Variants in ANO3 observed in about 807,000 individuals in gnomAD.
ANO3 encodes anoctamin-3.
ANO3 carries 99 observed loss-of-function variants against 144.8 expected under a neutral mutation model. The ratio of observed to expected loss-of-function variants is 0.68; its 90% CI spans 0.58 to 0.81. The LOEUF (loss-of-function observed/expected upper bound fraction) is 0.81. Among genes scored for constraint, ANO3 ranks in the 30% least tolerant of loss-of-function variants. The pLI is 0.00. For synonymous variants in ANO3, 414 were observed against 392.6 expected (o/e 1.05, Z -0.64); for missense variants, 905 against 1,202.2 (o/e 0.75, Z 3.66).
intron 1 of ANO3, among the ~76,000 whole-genome samples, chr11:26,361,976 A>C (rs1043288386): frequency 1.3e-5 from 2 of 152,140 alleles, no homozygotes; most frequent in Non-Finnish European, 2.9e-5. Context: ...TCATGGATTC[A>C]GGGGAATTAA....
chr11:26,359,006 G>A (rs2133922067), intron 1 of ANO3, among the ~76,000 whole-genome samples: 1 of 152,160 alleles, frequency 6.6e-6, no homozygotes, highest in Non-Finnish European at 1.5e-5. Flanking sequence ...CTATTTTAAT[G>A]TCTTTATGTG....
Position 26,595,962 on chromosome 11 carries a change from C to T in ANO3, c.1448-2403C>T, listed in dbSNP as rs527377780. 5.9e-5 allele frequency among the ~76,000 whole-genome samples: 9 copies of T among 152,038 alleles called. No homozygotes were observed. The East Asian group carries it at 9.7e-4, about 16-fold the overall frequency. ...CAATTGAATGCATTTGGGCCATTCG[C>T]GGGTTACTGAGTTAAGAATTTTTGA... On this transcript the variant is annotated intron_variant, in intron 14 of 26. Coordinates refer to ENST00000256737, the MANE Select transcript of ANO3 (RefSeq NM_031418.4).
At chr11:26,631,520 A>G (rs1852779974) in intron 18 of ANO3, among the ~76,000 whole-genome samples, 1 of 152,160 alleles carries the variant, frequency 6.6e-6, no homozygotes, top group Non-Finnish European at 1.5e-5. Context: ...CTATCCATCT[A>G]TCTTTCAATT....
upstream of ANO3, among the ~76,000 whole-genome samples, chr11:26,305,963 A>C (rs1330895553): frequency 6.6e-6 from 1 of 151,474 alleles, no homozygotes; most frequent in Non-Finnish European, 1.5e-5. Flanking sequence ...TATTCTTCCT[A>C]TTCTTCTTAA....
intron 1 of ANO3, among the ~76,000 whole-genome samples, chr11:26,335,927 T>C (rs1855182440): frequency 6.6e-6 from 1 of 152,196 alleles, no homozygotes; most frequent in South Asian, 2.1e-4. Context: ...CTGTAAATTT[T>C]AGATTATCTT....
chr11:26,227,285 TG>T (rs2133798452), intron 1 of ANO3, among the ~76,000 whole-genome samples: 1 of 152,334 alleles, frequency 6.6e-6, no homozygotes, highest in African/African-American at 2.4e-5. Flanking sequence ...AAATTTATAC[TG>T]TTGTCTCATG....
At chr11:26,595,511 G>A (rs1244849885) in intron 14 of ANO3, among the ~76,000 whole-genome samples, 1 of 118,884 alleles carries the variant, frequency 8.4e-6, no homozygotes, top group African/African-American at 3.3e-5. Context: ...TTTAAGGCTT[G>A]GCTGAGTGCA....
intron 4 of ANO3, among the ~76,000 whole-genome samples, chr11:26,490,868 G>A (rs767079428): frequency 1.7e-4 from 26 of 152,160 alleles, no homozygotes; most frequent in Non-Finnish European, 2.9e-4. Flanking sequence ...AATACTTGGC[G>A]ACTCACCTTG....
At chr11:26,338,671 C>T (rs532095650) in intron 1 of ANO3, among the ~76,000 whole-genome samples, 1 of 152,266 alleles carries the variant, frequency 6.6e-6, no homozygotes, top group Non-Finnish European at 1.5e-5. Flanking sequence ...CAGCTTCATT[C>T]CTGAAGTCAA....
intron 1 of ANO3, among the ~76,000 whole-genome samples, chr11:26,338,682 C>T (rs541073609): frequency 3.9e-5 from 6 of 152,086 alleles, no homozygotes; most frequent in Admixed American, 2.0e-4. Flanking sequence ...CTGAAGTCAA[C>T]GAGACCATGA....
chr11:26,304,089 G>C lies in ANO3; in HGVS notation c.155-5556G>C, dbSNP rs145483809. Among the ~76,000 whole-genome samples, 102 of 152,142 alleles carry C rather than the reference G, an allele frequency of 6.7e-4. 1 individual carries two copies. In the East Asian group the frequency reaches 0.019, roughly 29 times the overall value. The stretch of plus-strand genomic sequence containing the variant: ...ATATTCACTTTGGCTTTTATAATAT[G>C]TTGATTGAATGGTATTATATTCTTG... On this transcript the variant is annotated intron_variant, in intron 1 of 27. Transcript: ENST00000672621.
At position 26,598,906 on chromosome 11, in the gene ANO3, G is replaced by A. The variant is rs758278209; in HGVS notation, c.1579G>A (p.Val527Ile). 1 of 1,613,902 alleles carries A rather than the reference G, an allele frequency of 6.2e-7. No individual in the cohort carries two copies. The highest frequency in any genetic ancestry group is 8.5e-7 in the Non-Finnish European group (1 of 1,179,896). The change falls in exon 16 of 27, where the codon GTA becomes ATA. Residue 527 changes from valine (V) to isoleucine (I), a missense_variant. Transcript: ENST00000256737. ...FEAKYYKMEI[V>I]NPITGKPEPH... is the part of the protein sequence containing the mutation. ...AGCCAAGTATTACAAGATGGAGATT[G>A]TAAATCCCATCACGGGAAAACCTGA...
intron 1 of ANO3, among the ~76,000 whole-genome samples, chr11:26,386,027 A>G (rs1856722344): frequency 4.6e-5 from 7 of 152,170 alleles, no homozygotes; most frequent in Admixed American, 4.6e-4. Flanking sequence ...GAGCAGAGAT[A>G]CTAGTTTTAA....
At chr11:26,455,204 G>A (rs967952476) in intron 3 of ANO3, among the ~76,000 whole-genome samples, 10 of 150,118 alleles carry the variant, frequency 6.7e-5, no homozygotes, top group Admixed American at 2.7e-4. Context: ...ATTCAACATA[G>A]TGTTGGAAGT....
chr11:26,637,931 A>G (rs1853016189), intron 20 of ANO3, among the ~76,000 whole-genome samples: 1 of 152,188 alleles, frequency 6.6e-6, no homozygotes, highest in East Asian at 1.9e-4. Flanking sequence ...AATATCTTGA[A>G]TACTGCAAAG....
intron 2 of ANO3, among the ~76,000 whole-genome samples, chr11:26,442,934 T>C (rs1389754268): frequency 1.3e-5 from 2 of 152,060 alleles, no homozygotes; most frequent in Non-Finnish European, 2.9e-5. Context: ...CCTGGCTAAT[T>C]TTTGTATTTT....
chr11:26,407,661 G>A (rs1006974148), intron 1 of ANO3, among the ~76,000 whole-genome samples: 18 of 151,792 alleles, frequency 1.2e-4, no homozygotes, highest in East Asian at 5.8e-4. Flanking sequence ...AGAGCAGAGC[G>A]ATACCCTTAA....
chr11:26,288,167 A>G (rs1004479620), intron 1 of ANO3, among the ~76,000 whole-genome samples: 3 of 152,210 alleles, frequency 2.0e-5, no homozygotes, highest in Non-Finnish European at 4.4e-5. Context: ...AGCAGGGTAG[A>G]GTGGAGAGGC....
chr11:26,560,039 G>A (rs1480393065), intron 14 of ANO3: 1 of 343,650 alleles, frequency 2.9e-6, no homozygotes, highest in Admixed American at 4.5e-5. Context: ...CCAAAGGAAG[G>A]TGGTAATTAA....
Sources: allele counts gnomAD v4.1 joint callset (sites outside exome capture counted in the v4.1 genomes callset), GRCh38; gene constraint gnomAD v4.1.1; transcripts MANE v1.5; gene names NCBI Gene and HGNC (gene_info 2026-07-23, HGNC 2026-07-21).